Variants in GALNT18 observed in about 807,000 individuals in gnomAD.
The protein encoded by GALNT18 is polypeptide N-acetylgalactosaminyltransferase 18.
A neutral mutation model predicts 69.5 loss-of-function variants in GALNT18; 44 were observed. The observed-to-expected ratio is 0.63, with a 90% CI of 0.50 to 0.81. GALNT18 has a LOEUF of 0.81. Among genes scored for constraint, GALNT18 ranks in the 40% least tolerant of loss-of-function variants. The pLI, the probability that GALNT18 is intolerant of heterozygous loss-of-function variation, is 0.00. For missense variants in GALNT18, 715 were observed against 810.0 expected (o/e 0.88, Z 1.42); for synonymous variants, 364 against 318.2 (o/e 1.14, Z -1.53).
intron 2 of GALNT18, among the ~76,000 whole-genome samples, chr11:11,442,102 T>A (rs1432755468): frequency 6.6e-6 from 1 of 152,222 alleles, no homozygotes; most frequent in African/African-American, 2.4e-5. Context: ...CAGCACTGCA[T>A]TACTTTCTCA....
intron 6 of GALNT18, among the ~76,000 whole-genome samples, chr11:11,366,350 C>T (rs1564912321): frequency 6.6e-6 from 1 of 152,056 alleles, no homozygotes; most frequent in Non-Finnish European, 1.5e-5. Flanking sequence ...AAAAATAAAG[C>T]ACTACATAAA....
intron 10 of GALNT18, among the ~76,000 whole-genome samples, chr11:11,287,266 G>C (rs563352105): frequency 1.3e-5 from 2 of 152,332 alleles, no homozygotes; most frequent in African/African-American, 4.8e-5. Context: ...CTTTCAGAAA[G>C]TGGGAGCTTG....
intron 9 of GALNT18, among the ~76,000 whole-genome samples, chr11:11,325,383 G>C (rs1030721007): frequency 2.6e-5 from 4 of 152,238 alleles, no homozygotes; most frequent in South Asian, 2.1e-4. Context: ...GAGGGGTGAG[G>C]AATAAAAGAG....
chr11:11,351,761 CTTT>C (rs58753775), intron 6 of GALNT18, among the ~76,000 whole-genome samples: 19,965 of 148,904 alleles, frequency 0.13, 2,182 homozygotes, highest in East Asian at 0.52. Flanking sequence ...GAGCAATTTT[CTTT>C]TTTTTTTTTT....
At chr11:11,293,669 G>T (rs1370465252) in intron 9 of GALNT18, among the ~76,000 whole-genome samples, 1 of 151,366 alleles carries the variant, frequency 6.6e-6, no homozygotes, top group Non-Finnish European at 1.5e-5. Context: ...CGTCTCCTGA[G>T]TAGCTGGGAT....
Position 11,432,831 on chromosome 11 carries a change from G to A in GALNT18, c.429-44C>T, listed in dbSNP as rs1274277775. ...CGCTTAGATTTGTGACTCAGCTGGAGTCATCTCAGGAGCTGACCCAGCCCA... is the reference window on the plus strand; with the variant it reads ...CGCTTAGATTTGTGACTCAGCTGGAATCATCTCAGGAGCTGACCCAGCCCA... On this transcript the variant is annotated intron_variant, in intron 2 of 10. Transcript: ENST00000227756. The surrounding 1 kb of genome is among the most constrained non-coding windows in gnomAD (Gnocchi z 5.8). The A allele has an allele frequency of 2.5e-6, 4 of 1,589,308 alleles. No individual in the cohort carries two copies. The highest frequency in any genetic ancestry group is 3.4e-6 in the Non-Finnish European group (4 of 1,162,640).
In GALNT18 at chr11:11,374,313, T is replaced by C. The variant is rs572983321; in HGVS notation, c.978-1684A>G. Among the ~76,000 whole-genome samples the C allele has an allele frequency of 8.5e-5, 13 of 152,344 alleles. No individual in the cohort carries two copies. In the South Asian group the frequency reaches 2.5e-3, roughly 29 times the overall value. On this transcript the variant is annotated intron_variant, in intron 5 of 10. Coordinates refer to ENST00000227756, the MANE Select transcript of GALNT18 (RefSeq NM_198516.3). ...TTCCATATCTGTAACATAGGATCTATTCTAACCTCACACGGACTAAATTAA... is the reference window on the plus strand; with the variant it reads ...TTCCATATCTGTAACATAGGATCTACTCTAACCTCACACGGACTAAATTAA...
At chr11:11,359,768 A>AT (rs1045622358) in intron 6 of GALNT18, among the ~76,000 whole-genome samples, 14 of 152,336 alleles carry the variant, frequency 9.2e-5, no homozygotes, top group African/African-American at 3.4e-4. Flanking sequence ...TCCATCAGTG[A>AT]TTTTAAACCC....
intron 1 of GALNT18, among the ~76,000 whole-genome samples, chr11:11,594,834 TATATATAC>T (rs1177796162): frequency 7.5e-4 from 26 of 34,700 alleles, no homozygotes; most frequent in African/African-American, 1.5e-3. Context: ...TATATATATA[TATATATAC>T]ACATATACAT....
At chr11:11,361,023 T>G (rs1850633684) in intron 6 of GALNT18, among the ~76,000 whole-genome samples, 1 of 152,198 alleles carries the variant, frequency 6.6e-6, no homozygotes, top group Non-Finnish European at 1.5e-5. Context: ...AGCTCATGAC[T>G]TTTTCTACAA....
chr11:11,446,726 G>T (rs909993839), intron 2 of GALNT18, among the ~76,000 whole-genome samples: 3 of 152,096 alleles, frequency 2.0e-5, no homozygotes, highest in Non-Finnish European at 4.4e-5. Context: ...TTGCCCCCTC[G>T]GTCTGTTCTC....
Position 11,480,661 on chromosome 11 carries a change from A to C in GALNT18, c.236-31725T>G, listed in dbSNP as rs796268766. The stretch of plus-strand genomic sequence containing the variant: ...TCCTACTGGGGATCACTGAGAGCAG[A>C]GAAGTGACATTGAGAGGCTGGCTTC... On this transcript the variant is annotated intron_variant, in intron 1 of 10. Coordinates refer to ENST00000227756, the MANE Select transcript of GALNT18 (RefSeq NM_198516.3). This position sits in a 1 kb window ranked among gnomAD's most constrained non-coding sequence, Gnocchi z 4.6. 6.6e-6 allele frequency among the ~76,000 whole-genome samples: 1 copy of C among 152,194 alleles called. No homozygotes were observed. Among genetic ancestry groups the C allele is most frequent in the South Asian group, 2.1e-4 (1 of 4,826 alleles).
At chr11:11,449,293 T>C (rs1192673866) in intron 1 of GALNT18, among the ~76,000 whole-genome samples, 1 of 152,190 alleles carries the variant, frequency 6.6e-6, no homozygotes, top group Non-Finnish European at 1.5e-5. Flanking sequence ...GGGCATCTGC[T>C]TCTCTGTCCC....
At chr11:11,310,492 T>G (rs1849652657) in intron 9 of GALNT18, among the ~76,000 whole-genome samples, 1 of 152,178 alleles carries the variant, frequency 6.6e-6, no homozygotes, top group African/African-American at 2.4e-5. Context: ...GTAGCCCAGT[T>G]GTACAAGAAG....
chr11:11,399,779 G>T (rs367721605), intron 3 of GALNT18, among the ~76,000 whole-genome samples: 7 of 152,204 alleles, frequency 4.6e-5, no homozygotes, highest in African/African-American at 1.7e-4. Context: ...AAGAGTTAAT[G>T]CAGGTAAAGC....
At chr11:11,316,534 C>A (rs938876191) in intron 9 of GALNT18, among the ~76,000 whole-genome samples, 1 of 152,200 alleles carries the variant, frequency 6.6e-6, no homozygotes, top group Non-Finnish European at 1.5e-5. Flanking sequence ...TTCATCTCAA[C>A]TCTAATCTTT....
intron 10 of GALNT18, among the ~76,000 whole-genome samples, chr11:11,272,603 A>T (rs1252027396): frequency 6.6e-6 from 1 of 152,182 alleles, no homozygotes; most frequent in Admixed American, 6.5e-5. Flanking sequence ...ACATTAACTC[A>T]GGGTTCCTGC....
At chr11:11,284,959 T>C (rs1218277094) in intron 10 of GALNT18, among the ~76,000 whole-genome samples, 2 of 147,860 alleles carry the variant, frequency 1.4e-5, no homozygotes, top group Non-Finnish European at 3.0e-5. Flanking sequence ...TTTCTTAGTC[T>C]CACCTTTGCC....
At chr11:11,423,938 C>T (rs1031631827) in intron 3 of GALNT18, among the ~76,000 whole-genome samples, 2 of 152,190 alleles carry the variant, frequency 1.3e-5, no homozygotes, top group African/African-American at 4.8e-5. Context: ...GCTCAATGAG[C>T]TGGGGGCGCC....
Sources: gnomAD v4.1 joint callset for allele counts (sites outside exome capture counted in the v4.1 genomes callset) on GRCh38, gnomAD v4.1.1 for gene constraint, Gnocchi (gnomAD v3.1) non-coding constraint, MANE v1.5 for transcripts, NCBI Gene and HGNC (gene_info 2026-07-23, HGNC 2026-07-21) for gene names.